The following ALDH1A1 variants were observed in gnomAD, a reference collection of about 807,000 sequenced individuals.
The protein encoded by ALDH1A1 is aldehyde dehydrogenase 1A1.
Under a neutral mutation model 62.1 loss-of-function variants are expected in ALDH1A1, and 19 were observed. The observed-to-expected ratio is 0.31, with a 90% CI of 0.21 to 0.45. The LOEUF (loss-of-function observed/expected upper bound fraction) is 0.45, where lower values mean the gene tolerates loss of function less well. ALDH1A1 is among the 20% of genes least tolerant of loss of function. ALDH1A1 has a pLI of 1.00. For synonymous variants in ALDH1A1, 231 were observed against 215.9 expected (o/e 1.07, Z -0.61); for missense variants, 521 against 607.1 (o/e 0.86, Z 1.49).
At chr9:72,948,817 C>T (rs1830503322) in intron 1 of ALDH1A1, among the ~76,000 whole-genome samples, 1 of 151,638 alleles carries the variant, frequency 6.6e-6, no homozygotes, top group Non-Finnish European at 1.5e-5. Context: ...TCATTCAAGG[C>T]CTTGTTAAAT....
chr9:72,944,412 A>G (rs1830451690), intron 1 of ALDH1A1, among the ~76,000 whole-genome samples: 1 of 152,062 alleles, frequency 6.6e-6, no homozygotes, highest in South Asian at 2.1e-4. Flanking sequence ...AAGGCCAGGT[A>G]TTGCCCAGTC....
In ALDH1A1 at chr9:72,918,840, A is replaced by G. The variant is rs1045183898; in HGVS notation, c.748-18T>C. 3.1e-6 allele frequency: 5 copies of G among 1,592,902 alleles called. No individual in the cohort carries two copies. The African/African-American group carries it at 4.0e-5, about 13-fold the overall frequency. On this transcript the variant is annotated intron_variant, in intron 7 of 12. Transcript: ENST00000297785. ...TTGCCAACCTGAAAGGGAGCATTAC[A>G]AAGGAGGAGGCTTACCCTGCTCTCA...
chr9:72,901,758 T>C (rs1829806169), intron 12 of ALDH1A1, among the ~76,000 whole-genome samples: 1 of 152,066 alleles, frequency 6.6e-6, no homozygotes, highest in Non-Finnish European at 1.5e-5. Flanking sequence ...ACTCTAGTTC[T>C]ACAGTTTTAT....
intron 9 of ALDH1A1, 35 bp from the exon 10 acceptor site, chr9:72,912,157 T>TAGTCACTTG (rs751301778): frequency 2.8e-5 from 45 of 1,580,268 alleles, no homozygotes; most frequent in South Asian, 2.1e-4. Flanking sequence ...AGAAAAAAAG[T>TAGTCACTTG]AGTCACTTGT....
intron 12 of ALDH1A1, among the ~76,000 whole-genome samples, chr9:72,904,771 T>G (rs1373405295): frequency 6.6e-6 from 1 of 151,864 alleles, no homozygotes; most frequent in East Asian, 1.9e-4. Flanking sequence ...CTTCAATACT[T>G]TGCTCGGTAC....
chr9:72,916,778 C>T, intron 9 of ALDH1A1, 142 bp downstream of exon 9: 1 of 591,238 alleles, frequency 1.7e-6, no homozygotes, highest in Non-Finnish European at 2.6e-6. Context: ...AGTTAGATTG[C>T]TTTTAAACAC....
intron 10 of ALDH1A1, 35 bp from the exon 11 acceptor site, chr9:72,909,794 G>T: frequency 2.6e-6 from 4 of 1,518,098 alleles, no homozygotes; most frequent in South Asian, 2.4e-5. Flanking sequence ...AAAAATAATA[G>T]GTTAAAATGA....
intron 2 of ALDH1A1, among the ~76,000 whole-genome samples, chr9:72,939,119 C>T (rs1564640490): frequency 6.6e-6 from 1 of 152,132 alleles, no homozygotes; most frequent in Non-Finnish European, 1.5e-5. Context: ...GTCAGAGGAA[C>T]AGCATTTTAA....
chr9:72,912,712 C>T (rs1240688433), intron 9 of ALDH1A1, among the ~76,000 whole-genome samples: 1 of 152,306 alleles, frequency 6.6e-6, no homozygotes, highest in South Asian at 2.1e-4. Context: ...AGTAAATCTG[C>T]TTCCAATTTC....
At chr9:72,928,403 G>A (rs147908853) in intron 4 of ALDH1A1, among the ~76,000 whole-genome samples, 161 of 152,274 alleles carry the variant, frequency 1.1e-3, no homozygotes, top group Middle Eastern at 3.4e-3. Context: ...AAACGAGTCC[G>A]TGTGAACTGG....
Position 72,901,270 on chromosome 9 carries a change from C to A in ALDH1A1, c.1444G>T (p.Gly482Cys). 1.2e-6 allele frequency: 2 copies of A among 1,607,782 alleles called. No homozygotes were observed. Among genetic ancestry groups the A allele is most frequent in the African/African-American group, 2.7e-5 (2 of 74,880 alleles). Residue 482 changes from glycine to cysteine, a missense_variant, in exon 13 of 13, where the codon GGT (glycine) becomes TGT (cysteine). Transcript: ENST00000297785. ...TTGACCTCTGTATATTCATGGAAAC[C>A]GTACTCTCCCCTAGAGAGAAGAAAA... ...SGNGRELGEY[G>C]FHEYTEVKTV...
intron 1 of ALDH1A1, among the ~76,000 whole-genome samples, chr9:72,943,730 C>A (rs1341283739): frequency 6.6e-6 from 1 of 152,074 alleles, no homozygotes; most frequent in East Asian, 1.9e-4. Context: ...CATAGTCTGG[C>A]AGTTATTGTG....
chr9:72,940,295 G>T, intron 1 of ALDH1A1, 43 bp from the exon 2 acceptor site: 2 of 1,482,368 alleles, frequency 1.3e-6, no homozygotes, highest in Non-Finnish European at 1.9e-6. Flanking sequence ...GCTTAAATAT[G>T]CAGAAAATTT....
At chr9:72,911,100 C>T (rs1829979196) in intron 10 of ALDH1A1, among the ~76,000 whole-genome samples, 1 of 151,894 alleles carries the variant, frequency 6.6e-6, no homozygotes, top group South Asian at 2.1e-4. Flanking sequence ...TAGTTAAATA[C>T]TTGGTGAGCA....
chr9:72,925,955 C>G (rs1830199980), intron 5 of ALDH1A1, among the ~76,000 whole-genome samples: 1 of 152,132 alleles, frequency 6.6e-6, no homozygotes, highest in Admixed American at 6.5e-5. Context: ...GATGATTACT[C>G]TCCTTCTCCA....
intron 2 of ALDH1A1, among the ~76,000 whole-genome samples, chr9:72,937,620 C>T (rs1830361024): frequency 6.6e-6 from 1 of 152,148 alleles, no homozygotes; most frequent in Admixed American, 6.5e-5. Context: ...GAACTAGGTC[C>T]TGAGGACTAC....
chr9:72,922,622 C>G lies in ALDH1A1; in HGVS notation c.747+1397G>C, dbSNP rs532630323. On this transcript the variant is annotated intron_variant, in intron 7 of 12. Coordinates refer to ENST00000297785, the MANE Select transcript of ALDH1A1 (RefSeq NM_000689.5). ...TGATGAGAATGAAAAAAAAATGTGT[C>G]GGGCTACATTCAAAGCCATCCCTGG... Among the ~76,000 whole-genome samples, 8 of 152,234 alleles carry G rather than the reference C, an allele frequency of 5.3e-5. 1 individual carries two copies. The South Asian group carries it at 1.7e-3, about 32-fold the overall frequency.
chr9:72,942,590 A>T (rs1830427810), intron 1 of ALDH1A1, among the ~76,000 whole-genome samples: 1 of 152,056 alleles, frequency 6.6e-6, no homozygotes, highest in South Asian at 2.1e-4. Context: ...TACTTTAGTG[A>T]TCCTCTATTG....
At chr9:72,916,868 G>A (rs1459961442) in intron 9 of ALDH1A1, 52 bp downstream of exon 9, 8 of 1,432,028 alleles carry the variant, frequency 5.6e-6, no homozygotes, top group Non-Finnish European at 7.5e-6. Flanking sequence ...GTCTAAAGAG[G>A]ATACTTTATT....
Sources: gnomAD v4.1 joint callset for allele counts (sites outside exome capture counted in the v4.1 genomes callset) on GRCh38, gnomAD v4.1.1 for gene constraint, MANE v1.5 for transcripts, NCBI Gene and HGNC (gene_info 2026-07-23, HGNC 2026-07-21) for gene names.